Variants in ATP11C observed in about 807,000 individuals in gnomAD.
ATP11C encodes phospholipid-transporting ATPase IG.
ATP11C carries 36 observed loss-of-function variants against 97.4 expected under a neutral mutation model. That is an observed-to-expected ratio of 0.37 (90% CI 0.28 to 0.49). The LOEUF (loss-of-function observed/expected upper bound fraction) is 0.49, where lower values mean the gene tolerates loss of function less well. Among genes scored for constraint, ATP11C ranks in the 20% least tolerant of loss-of-function variants. ATP11C has a pLI of 0.98. For synonymous variants in ATP11C, 275 were observed against 290.9 expected (o/e 0.95, Z 0.56); for missense variants, 730 against 824.6 (o/e 0.89, Z 1.40).
At chrX:139,852,938 A>G (rs2084022138) in intron 1 of ATP11C, among the ~76,000 whole-genome samples, 1 of 111,382 alleles carries the variant, frequency 9.0e-6, no homozygotes, top group Non-Finnish European at 1.9e-5. Flanking sequence ...CTTCTAGGAC[A>G]GGCAAGACAC....
At chrX:139,730,430 G>C (rs1250148755) in intron 29 of ATP11C, among the ~76,000 whole-genome samples, 2 of 111,648 alleles carry the variant, frequency 1.8e-5, no homozygotes, top group African/African-American at 3.2e-5. Context: ...AACATACTCA[G>C]GTAAGTTGTT....
chrX:139,782,188 G>A (rs749800489), intron 18 of ATP11C, among the ~76,000 whole-genome samples: 1 of 109,170 alleles, frequency 9.2e-6, no homozygotes, highest in Non-Finnish European at 1.9e-5. Context: ...TTAGCCGGGC[G>A]TGGTGGTGGG....
chrX:139,745,032 G>A (rs928543431), intron 25 of ATP11C, among the ~76,000 whole-genome samples: 2 of 111,632 alleles, frequency 1.8e-5, no homozygotes, highest in Admixed American at 9.5e-5. Context: ...CATAAAAGAA[G>A]AATCTCAGAA....
At chrX:139,890,386 G>T (rs1416980521) in intron 1 of ATP11C, among the ~76,000 whole-genome samples, 2 of 110,939 alleles carry the variant, frequency 1.8e-5, no homozygotes, top group East Asian at 2.9e-4. Flanking sequence ...TTTTTAAAAA[G>T]CCAGGCATGG....
intron 1 of ATP11C, among the ~76,000 whole-genome samples, chrX:139,852,005 A>T (rs2083997263): frequency 9.1e-6 from 1 of 110,399 alleles, no homozygotes; most frequent in South Asian, 4.0e-4. Flanking sequence ...TGGGATTTGG[A>T]GTTGATTCTG....
chrX:139,815,626 T>C (rs2083270638), intron 4 of ATP11C, among the ~76,000 whole-genome samples: 2 of 112,270 alleles, frequency 1.8e-5, no homozygotes, highest in African/African-American at 6.5e-5. Context: ...CATTTTACTT[T>C]GGACTTTTCA....
At chrX:139,867,813 A>C (rs768895276) in intron 1 of ATP11C, among the ~76,000 whole-genome samples, 2 of 112,130 alleles carry the variant, frequency 1.8e-5, no homozygotes, top group African/African-American at 6.5e-5. Flanking sequence ...AAAACATATG[A>C]GGAAAAAGAT....
chrX:139,788,339 C>T lies in ATP11C; in HGVS notation c.1373G>A (p.Arg458Gln). ...LTYFDKVDKN[R>Q]EELFLRALCL... ...CAAGGCACGTAGAAACAGCTCTTCT[C>T]GATTCTGTGGAACAGCAACAAAATA... The change falls in exon 14 of 30, where the codon CGA becomes CAA. Residue 458 changes from arginine to glutamine, a missense_variant. Physicochemically the swap from Arg to Gln is conservative, Grantham distance 43 (BLOSUM62 1). Transcript: ENST00000682941. 5.0e-6 allele frequency: 6 copies of T among 1,201,461 alleles called. No individual in the cohort carries two copies. The South Asian group carries it at 5.4e-5, about 11-fold the overall frequency.
chrX:139,824,146 A>C (rs2083472915), intron 2 of ATP11C, among the ~76,000 whole-genome samples: 1 of 108,386 alleles, frequency 9.2e-6, no homozygotes, highest in South Asian at 3.9e-4. Context: ...AAAAAAATTA[A>C]TTAATTTTTT....
rs138935438 is a variant in ATP11C, at chrX:139,894,981, A to T, written c.27+37035T>A. Among the ~76,000 whole-genome samples, 857 of 111,698 alleles carry T rather than the reference A, an allele frequency of 7.7e-3. 6 individuals are homozygous for T. Among genetic ancestry groups the T allele is most frequent in the Middle Eastern group, 0.023 (5 of 215 alleles). On this transcript the variant is annotated intron_variant, in intron 1 of 29. Transcript: ENST00000682941. ...TAAGGCAGGATAATCACTTGAACCC[A>T]GGAGGCAGAGGTTGCAGTGAGCCGA...
At chrX:139,783,568 T>A (rs1225490134) in intron 16 of ATP11C, among the ~76,000 whole-genome samples, 1 of 112,101 alleles carries the variant, frequency 8.9e-6, no homozygotes, top group African/African-American at 3.2e-5. Context: ...AGGAGCTGCA[T>A]CTGAATTTCT....
chrX:139,802,737 T>C (rs2082951943), intron 6 of ATP11C, among the ~76,000 whole-genome samples: 1 of 111,877 alleles, frequency 8.9e-6, no homozygotes, highest in Admixed American at 9.5e-5. Context: ...GATATACACA[T>C]ATGAATTGAA....
intron 1 of ATP11C, among the ~76,000 whole-genome samples, chrX:139,911,508 T>C (rs1334029607): frequency 1.2e-4 from 13 of 111,873 alleles, no homozygotes; most frequent in Admixed American, 1.1e-3. Flanking sequence ...TGGAAACTCA[T>C]ATATTGCTAG....
intron 1 of ATP11C, among the ~76,000 whole-genome samples, chrX:139,902,489 A>G (rs775648374): frequency 1.1e-4 from 12 of 112,005 alleles, no homozygotes; most frequent in Admixed American, 3.8e-4. Flanking sequence ...AAATCACCTC[A>G]GGAAAAAAAT....
At position 139,744,984 on chromosome X, in the gene ATP11C, AGCTTTCC is replaced by A. The variant is rs1200317174; in HGVS notation, c.2964+731_2964+737del. The stretch of plus-strand genomic sequence containing the variant: ...CCTCAGTAAATTCTTTTTGAACCTT[AGCTTTCC>A]TTCACATTATGATTATAAAGAATGA... On this transcript the variant is annotated intron_variant, in intron 25 of 29. Transcript: ENST00000682941. Among the ~76,000 whole-genome samples the A allele has an allele frequency of 4.9e-3, 546 of 111,867 alleles. 7 individuals are homozygous for A. Among genetic ancestry groups the A allele is most frequent in the African/African-American group, 0.016 (502 of 30,851 alleles).
At chrX:139,850,387 CTT>C (rs937044476) in intron 1 of ATP11C, among the ~76,000 whole-genome samples, 2 of 111,381 alleles carry the variant, frequency 1.8e-5, no homozygotes, top group Non-Finnish European at 3.8e-5. Context: ...AGATAAATAT[CTT>C]ATTGTAAACT....
intron 5 of ATP11C, among the ~76,000 whole-genome samples, chrX:139,807,418 C>T (rs1189991756): frequency 2.7e-5 from 3 of 111,175 alleles, no homozygotes; most frequent in Non-Finnish European, 5.7e-5. Context: ...TTGACTCAAC[C>T]GCCAACACTA....
intron 1 of ATP11C, among the ~76,000 whole-genome samples, chrX:139,919,594 T>C (rs1225067574): frequency 9.0e-6 from 1 of 111,700 alleles, no homozygotes; most frequent in Non-Finnish European, 1.9e-5. Context: ...TCCACTAATA[T>C]ATACTCAAGT....
intron 5 of ATP11C, among the ~76,000 whole-genome samples, chrX:139,805,502 C>A (rs1161131267): frequency 8.9e-6 from 1 of 112,204 alleles, no homozygotes; most frequent in Non-Finnish European, 1.9e-5. Context: ...TACTAACATC[C>A]TGCAACTACT....
Sources: allele counts gnomAD v4.1 joint callset (sites outside exome capture counted in the v4.1 genomes callset), GRCh38; gene constraint gnomAD v4.1.1; transcripts MANE v1.5; gene names NCBI Gene and HGNC (gene_info 2026-07-23, HGNC 2026-07-21).